Variants in MRPL48 observed in about 807,000 individuals in gnomAD.
MRPL48 encodes the protein large ribosomal subunit protein mL48.
MRPL48 carries 16 observed loss-of-function variants against 32.9 expected under a neutral mutation model. The observed-to-expected ratio is 0.49, with a 90% CI of 0.33 to 0.74. The LOEUF is 0.74. Among genes scored for constraint, MRPL48 ranks in the 30% least tolerant of loss-of-function variants. The pLI is 0.02. For missense variants in MRPL48, 206 were observed against 245.3 expected, an observed-to-expected ratio of 0.84 and a Z score of 1.07; for synonymous variants, 94 against 89.2, an observed-to-expected ratio of 1.05 and a Z score of -0.31.
Position 73,787,913 on chromosome 11 carries a change from A to G in MRPL48, c.-59A>G. ...TTCAGTGTTTTCAGACGCCCTGGGA[A>G]CGCGGCTGCAGGGTCCGGTCTTCGG... On this transcript the variant is annotated 5_prime_UTR_variant, in exon 1 of 8. Transcript: ENST00000310614. 1.3e-6 allele frequency: 2 copies of G among 1,595,500 alleles called. No homozygotes were observed. The highest frequency in any genetic ancestry group is 1.7e-6 in the Non-Finnish European group (2 of 1,169,042).
At chr11:73,855,309 A>G (rs1948466543) in intron 5 of MRPL48, among the ~76,000 whole-genome samples, 1 of 151,712 alleles carries the variant, frequency 6.6e-6, no homozygotes, top group Non-Finnish European at 1.5e-5. Context: ...GGATCACAAT[A>G]AAAGTTTCTC....
intron 5 of MRPL48, among the ~76,000 whole-genome samples, chr11:73,859,673 T>C (rs7113309): frequency 0.056 from 8,578 of 152,066 alleles, 265 homozygotes; most frequent in Middle Eastern, 0.11. Flanking sequence ...ATTTTTTTTT[T>C]GGAGTATTAA....
intron 5 of MRPL48, among the ~76,000 whole-genome samples, chr11:73,854,819 G>T (rs1301654003): frequency 6.6e-6 from 1 of 152,184 alleles, no homozygotes; most frequent in Non-Finnish European, 1.5e-5. Flanking sequence ...TACTATCAGT[G>T]AGGCACTCTG....
intron 4 of MRPL48, among the ~76,000 whole-genome samples, chr11:73,829,780 T>A (rs1043502299): frequency 6.6e-6 from 1 of 152,144 alleles, no homozygotes; most frequent in African/African-American, 2.4e-5. Context: ...TGTTTTTGTT[T>A]TTGAGACAGG....
chr11:73,823,457 G>A (rs1420217909), intron 3 of MRPL48, among the ~76,000 whole-genome samples: 2 of 152,050 alleles, frequency 1.3e-5, no homozygotes, highest in Non-Finnish European at 2.9e-5. Flanking sequence ...AAATAAAGAA[G>A]AAACAGTAGC....
At chr11:73,831,940 CAAAAAAA>C (rs4019304) in intron 4 of MRPL48, among the ~76,000 whole-genome samples, 15 of 67,090 alleles carry the variant, frequency 2.2e-4, no homozygotes, top group Non-Finnish European at 2.8e-4. Flanking sequence ...AACTCTGTCT[CAAAAAAA>C]AAAAAAAAAA....
intron 3 of MRPL48, among the ~76,000 whole-genome samples, chr11:73,812,358 C>T (rs1029585262): frequency 6.6e-6 from 1 of 152,072 alleles, no homozygotes; most frequent in Non-Finnish European, 1.5e-5. Flanking sequence ...AAATGGTACA[C>T]CAGCCATTTT....
At chr11:73,795,207 C>T (rs192421675) in intron 1 of MRPL48, among the ~76,000 whole-genome samples, 1 of 152,230 alleles carries the variant, frequency 6.6e-6, no homozygotes, top group East Asian at 1.9e-4. Context: ...TGAGCCACTG[C>T]ACCTGGCCTC....
Position 73,792,106 on chromosome 11 carries a change from A to G in MRPL48, c.21+4114A>G, listed in dbSNP as rs144256995. Among the ~76,000 whole-genome samples, 3 of 152,288 alleles carry G rather than the reference A, an allele frequency of 2.0e-5. No individual in the cohort carries two copies. In the East Asian group the frequency reaches 5.8e-4, roughly 29 times the overall value. On this transcript the variant is annotated intron_variant, in intron 1 of 7. Transcript: ENST00000310614. ...AGAAGCCCAGCTTTGCTAGAATAAAACTGGATAGAGCCAGTACCTCTTTGG... is the reference window on the plus strand; with the variant it reads ...AGAAGCCCAGCTTTGCTAGAATAAAGCTGGATAGAGCCAGTACCTCTTTGG...
intron 7 of MRPL48, among the ~76,000 whole-genome samples, chr11:73,863,996 TTCTCTC>T (rs145540790): frequency 1.6e-4 from 24 of 151,502 alleles, no homozygotes; most frequent in Admixed American, 1.2e-3. Flanking sequence ...AATTTTGGTA[TTCTCTC>T]TCTCTCTCTC....
intron 3 of MRPL48, among the ~76,000 whole-genome samples, chr11:73,809,341 A>G (rs888050967): frequency 6.6e-6 from 1 of 151,758 alleles, no homozygotes; most frequent in Non-Finnish European, 1.5e-5. Context: ...CATCTCTACT[A>G]AAAATACAAA....
At chr11:73,794,821 C>G (rs1947223524) in intron 1 of MRPL48, among the ~76,000 whole-genome samples, 1 of 149,206 alleles carries the variant, frequency 6.7e-6, no homozygotes, top group Non-Finnish European at 1.5e-5. Flanking sequence ...CTCGGCTCAC[C>G]ACAACCTCCG....
chr11:73,824,105 C>T (rs927355326), intron 3 of MRPL48, among the ~76,000 whole-genome samples: 21 of 151,894 alleles, frequency 1.4e-4, no homozygotes, highest in African/African-American at 3.4e-4. Context: ...CTACCTGCCT[C>T]GGCCTCCCAA....
chr11:73,863,315 G>A, intron 7 of MRPL48, 54 bp downstream of exon 7: 1 of 1,397,344 alleles, frequency 7.2e-7, no homozygotes, highest in Non-Finnish European at 9.9e-7. Flanking sequence ...CTCAAAATAA[G>A]GATAAGAACA....
intron 3 of MRPL48, among the ~76,000 whole-genome samples, chr11:73,814,130 C>T (rs76904642): frequency 0.016 from 2,379 of 150,766 alleles, 67 homozygotes; most frequent in African/African-American, 0.056. Flanking sequence ...TAGTGGGTTA[C>T]GCTTATAACC....
intron 4 of MRPL48, among the ~76,000 whole-genome samples, chr11:73,838,373 A>T (rs1000436393): frequency 6.6e-6 from 1 of 152,174 alleles, no homozygotes; most frequent in African/African-American, 2.4e-5. Context: ...GATAATGTGA[A>T]TTGGTTCAGG....
intron 1 of MRPL48, 50 bp downstream of exon 1, chr11:73,788,042 A>G: frequency 6.8e-7 from 1 of 1,460,694 alleles, no homozygotes; most frequent in East Asian, 2.3e-5. Flanking sequence ...CGGACGGTGC[A>G]GAGAGGGGAG....
intron 5 of MRPL48, among the ~76,000 whole-genome samples, chr11:73,849,122 C>T (rs1948345827): frequency 6.6e-6 from 1 of 150,730 alleles, no homozygotes; most frequent in African/African-American, 2.4e-5. Flanking sequence ...GCACCCAGCC[C>T]CTTTTTAATT....
rs371427099 is a variant in MRPL48, at chr11:73,825,757, C to A, written c.162C>A (p.His54Gln). ...GGCCCTACAAGACAAAGCCCACCCACGGCATTGGAAAGTACAAGCACTTAA... is the reference window on the plus strand; with the variant it reads ...GGCCCTACAAGACAAAGCCCACCCAAGGCATTGGAAAGTACAAGCACTTAA... ...ISRPYKTKPT[H>Q]GIGKYKHLIK... Residue 54 changes from histidine to glutamine, a missense_variant, in exon 4 of 8, where the codon CAC becomes CAA. His to Gln is a conservative substitution (Grantham distance 24). Transcript: ENST00000310614. 12 of 1,569,724 alleles carry A rather than the reference C, an allele frequency of 7.6e-6. No homozygotes were observed. The South Asian group carries it at 1.2e-4, about 15-fold the overall frequency.
Sources: gnomAD v4.1 joint callset for allele counts (sites outside exome capture counted in the v4.1 genomes callset) on GRCh38, gnomAD v4.1.1 for gene constraint, MANE v1.5 for transcripts, NCBI Gene and HGNC (gene_info 2026-07-23, HGNC 2026-07-21) for gene names.